WNT11: variants seen among roughly 807,000 people sequenced by gnomAD.
WNT11 encodes Wnt family member 11.
A neutral mutation model predicts 35.6 loss-of-function variants in WNT11; 20 were observed. The observed-to-expected ratio is 0.56, with a 90% CI of 0.40 to 0.82. The LOEUF (loss-of-function observed/expected upper bound fraction) is 0.82. WNT11 is among the 40% of genes least tolerant of loss of function. The pLI is 0.00. For synonymous variants in WNT11, 200 were observed against 211.9 expected, an observed-to-expected ratio of 0.94 and a Z score of 0.49; for missense variants, 459 against 504.4, an observed-to-expected ratio of 0.91 and a Z score of 0.86.
upstream of WNT11, chr11:76,210,315 G>T: frequency 1.8e-6 from 1 of 562,196 alleles, no homozygotes; most frequent in Non-Finnish European, 2.3e-6. Flanking sequence ...TGCTGCGGGG[G>T]AAAGGTATGG....
intron 1 of WNT11, among the ~76,000 whole-genome samples, chr11:76,205,747 G>C (rs1475368035): frequency 6.6e-6 from 1 of 152,168 alleles, no homozygotes; most frequent in Non-Finnish European, 1.5e-5. Flanking sequence ...TCTATCTAAA[G>C]GAATGCCCTG....
At chr11:76,199,060 G>C (rs755903836) in intron 1 of WNT11, among the ~76,000 whole-genome samples, 11 of 152,096 alleles carry the variant, frequency 7.2e-5, no homozygotes, top group Admixed American at 1.3e-4. Context: ...TTGAACCCAG[G>C]AGGCAGAGGT....
chr11:76,189,476 A>C (rs1953147170), intron 4 of WNT11, among the ~76,000 whole-genome samples: 1 of 152,090 alleles, frequency 6.6e-6, no homozygotes, highest in Non-Finnish European at 1.5e-5. Flanking sequence ...TAGGGTTTGG[A>C]ATATTGTCTG....
At position 76,196,702 on chromosome 11, in the gene WNT11, G is replaced by A; in HGVS notation, c.100C>T (p.Pro34Ser). Residue 34 changes from proline to serine, a missense_variant, in exon 2 of 5, where the codon CCA becomes TCA. Pro to Ser is a moderately conservative substitution (Grantham distance 74). Coordinates refer to ENST00000322563, the MANE Select transcript of WNT11 (RefSeq NM_004626.3). ...GIKWLALSKTPSALALNQTQH... is the reference protein window; with the variant it reads ...GIKWLALSKTSSALALNQTQH... ...GTCTGGTTCAGTGCCAGGGCCGATG[G>A]TGTCTTGGACAGCGCCCTGCACACC... 1 of 1,610,202 alleles carries A rather than the reference G, an allele frequency of 6.2e-7. No homozygotes were observed. Among genetic ancestry groups the A allele is most frequent in the South Asian group, 1.1e-5 (1 of 90,674 alleles).
Position 76,206,351 on chromosome 11 carries a change from G to T in WNT11, c.57C>A (p.Thr19=). 1 of 1,573,130 alleles carries T rather than the reference G, an allele frequency of 6.4e-7. No individual in the cohort carries two copies. The highest frequency in any genetic ancestry group is 1.2e-5 in the South Asian group (1 of 85,052). ...EALLFALALQ[T]GVCYGIKWLA... ...GCCACTTGATGCCATAGCACACGCC[G>T]GTCTGGAGCGCCAGGGCGAAGAGCA... Residue 19 remains threonine (T), a synonymous_variant, in exon 1 of 5, where the codon ACC becomes ACA. Coordinates refer to ENST00000322563, the MANE Select transcript of WNT11 (RefSeq NM_004626.3).
At chr11:76,206,524 C>T (rs1205263315), upstream of WNT11, 2 of 1,226,758 alleles carry the variant, frequency 1.6e-6, no homozygotes, top group Non-Finnish European at 2.0e-6. Flanking sequence ...GCGGAGGCGG[C>T]GGGTTAAGGC....
rs766633141 is a variant in WNT11, at chr11:76,186,996, C to A, written c.*69G>T. 1.9e-6 allele frequency: 3 copies of A among 1,595,374 alleles called. No individual in the cohort carries two copies. Among genetic ancestry groups the A allele is most frequent in the African/African-American group, 1.3e-5 (1 of 74,808 alleles). ...CAGAGCTCCATGGAGTGTCTCCAGG[C>A]CCCTGGCCCCAGTTGCTGAGGGTCC... On this transcript the variant is annotated 3_prime_UTR_variant, in exon 5 of 5. Coordinates refer to ENST00000322563, the MANE Select transcript of WNT11 (RefSeq NM_004626.3).
chr11:76,206,733 G>C (rs2272042), upstream of WNT11: 713 of 225,362 alleles, frequency 3.2e-3, 24 homozygotes, highest in East Asian at 0.064. Context: ...CCCTCTGGCC[G>C]GGGCAGCCGG....
At chr11:76,189,905 C>G (rs1309226832) in intron 4 of WNT11, among the ~76,000 whole-genome samples, 1 of 152,152 alleles carries the variant, frequency 6.6e-6, no homozygotes, top group Non-Finnish European at 1.5e-5. Flanking sequence ...CTGCAAGGGT[C>G]CCCCTAGGGA....
chr11:76,194,467 C>T lies in WNT11; in HGVS notation c.597+100G>A, dbSNP rs925648766. ...CATCAGGTGTGGGCCAGTCAGGGCC[C>T]GTCCCCCCGCACCCCCCACCACTGG... is the stretch of plus-strand genomic sequence containing the variant. On this transcript the variant is annotated intron_variant, in intron 3 of 4. Transcript: ENST00000322563. The surrounding 1 kb of genome is among the most constrained non-coding windows in gnomAD (Gnocchi z 5.4). 10 of 1,404,690 alleles carry T rather than the reference C, an allele frequency of 7.1e-6. No individual in the cohort carries two copies. Among genetic ancestry groups the T allele is most frequent in the East Asian group, 5.0e-5 (2 of 39,828 alleles). The allele number at this position is 1,404,690 out of a possible 1,614,324, so 87.0% of individuals were successfully genotyped here. A position where few individuals can be genotyped will look rare whatever the true frequency, so the allele number is the denominator to read the frequency against.
At chr11:76,200,774 C>T (rs552396907) in intron 1 of WNT11, among the ~76,000 whole-genome samples, 12 of 152,360 alleles carry the variant, frequency 7.9e-5, no homozygotes, top group African/African-American at 2.9e-4. Flanking sequence ...ACTTTCTTCC[C>T]GCTCCTTCTG....
intron 1 of WNT11, among the ~76,000 whole-genome samples, chr11:76,199,349 G>T (rs191707543): frequency 6.6e-6 from 1 of 152,012 alleles, no homozygotes; most frequent in Non-Finnish European, 1.5e-5. Context: ...GCCGGGTGTT[G>T]TGGTGCATGC....
At chr11:76,197,961 G>T (rs531083213) in intron 1 of WNT11, among the ~76,000 whole-genome samples, 1 of 152,354 alleles carries the variant, frequency 6.6e-6, no homozygotes, top group South Asian at 2.1e-4. Context: ...ACCCAGCAGA[G>T]ACCCAGGAGC....
chr11:76,200,372 T>C (rs537892790), intron 1 of WNT11, among the ~76,000 whole-genome samples: 2 of 152,322 alleles, frequency 1.3e-5, no homozygotes, highest in East Asian at 3.9e-4. Flanking sequence ...AACCCTGCCT[T>C]ACTTCCTGGG....
At chr11:76,196,377 C>T in intron 2 of WNT11, 106 bp downstream of exon 2, 2 of 1,297,948 alleles carry the variant, frequency 1.5e-6, no homozygotes, top group Non-Finnish European at 2.2e-6. Context: ...ATGAATCCAT[C>T]ATCCACCCAC....
At chr11:76,201,050 C>G (rs1475820896) in intron 1 of WNT11, among the ~76,000 whole-genome samples, 1 of 152,214 alleles carries the variant, frequency 6.6e-6, no homozygotes, top group Non-Finnish European at 1.5e-5. Flanking sequence ...GCCTGGGTCT[C>G]CTAGGCTGGG....
At chr11:76,206,189 G>C (rs1432337821) in intron 1 of WNT11, 136 bp downstream of exon 1, 2 of 734,230 alleles carry the variant, frequency 2.7e-6, no homozygotes, top group Non-Finnish European at 3.9e-6. Context: ...AGAGGCTGAG[G>C]GATGACTTGC....
At chr11:76,209,527 GAGCTGACCCCGCCA>G (rs1953527676), upstream of WNT11, among the ~76,000 whole-genome samples, 1 of 152,206 alleles carries the variant, frequency 6.6e-6, no homozygotes, top group Non-Finnish European at 1.5e-5. Flanking sequence ...GCAGCTCACG[GAGCTGACCCCGCCA>G]ACCAGGGACG....
chr11:76,196,691 C>T lies in WNT11; in HGVS notation c.111G>A (p.Leu37=). 6.2e-7 allele frequency: 1 copy of T among 1,612,042 alleles called. No individual in the cohort carries two copies. Among genetic ancestry groups the T allele is most frequent in the Non-Finnish European group, 8.5e-7 (1 of 1,179,444 alleles). ...TGCAGTGTTGCGTCTGGTTCAGTGC[C>T]AGGGCCGATGGTGTCTTGGACAGCG... ...WLALSKTPSA[L]ALNQTQHCKQ... is the part of the protein sequence containing the mutation. Residue 37 remains leucine, a synonymous_variant, in exon 2 of 5, where the codon CTG becomes CTA. Transcript: ENST00000322563.
Sources: gnomAD v4.1 joint callset for allele counts (sites outside exome capture counted in the v4.1 genomes callset) on GRCh38, gnomAD v4.1.1 for gene constraint, Gnocchi (gnomAD v3.1) non-coding constraint, MANE v1.5 for transcripts, NCBI Gene and HGNC (gene_info 2026-07-23, HGNC 2026-07-21) for gene names.